BIRC6: variants seen among roughly 807,000 people sequenced by gnomAD.
BIRC6 encodes dual E2 ubiquitin-conjugating enzyme/E3 ubiquitin-protein ligase BIRC6.
Under a neutral mutation model 503.3 loss-of-function variants are expected in BIRC6, and 98 were observed. The ratio of observed to expected loss-of-function variants is 0.19; its 90% CI spans 0.17 to 0.23. The LOEUF (loss-of-function observed/expected upper bound fraction) is 0.23. Ranked by LOEUF, BIRC6 falls within the 10% of genes least tolerant of loss-of-function variation. The probability of loss-of-function intolerance (pLI) is 1.00; values close to 1 mark genes in which losing one functional copy is unlikely to be tolerated. For missense variants in BIRC6, 5,360 were observed against 5,806.0 expected (o/e 0.92, Z 2.50); for synonymous variants, 2,240 against 2,078.7 (o/e 1.08, Z -2.11).
chr2:32,498,359 G>A (rs574352604), intron 45 of BIRC6, among the ~76,000 whole-genome samples: 6 of 152,076 alleles, frequency 3.9e-5, no homozygotes, highest in South Asian at 4.1e-4. Context: ...GCCTATAACC[G>A]AAAATTTTTA....
intron 3 of BIRC6, 131 bp downstream of exon 3, chr2:32,380,421 T>A: frequency 8.1e-7 from 1 of 1,241,434 alleles, no homozygotes; most frequent in Admixed American, 3.6e-5. Context: ...CAGAATGTGC[T>A]TATAAGTCAT....
chr2:32,509,989 C>T lies in BIRC6; in HGVS notation c.10232C>T (p.Pro3411Leu), dbSNP rs778076796. 3.1e-6 allele frequency: 5 copies of T among 1,613,042 alleles called. No homozygotes were observed. The South Asian group carries it at 5.5e-5, about 18-fold the overall frequency. ...LRNCAASGSDPTDLNSPLLFG... is the reference protein window; with the variant it reads ...LRNCAASGSDLTDLNSPLLFG... ...AATTGTGCAGCATCAGGCAGTGATC[C>T]TACAGGTGATAATTAACTTTGATAT... The change falls in exon 52 of 74, where the codon CCT becomes CTT. Residue 3411 changes from proline (P) to leucine (L), a missense_variant. Coordinates refer to ENST00000421745, the MANE Select transcript of BIRC6 (RefSeq NM_016252.4).
chr2:32,591,622 C>A (rs2061385743), intron 66 of BIRC6, among the ~76,000 whole-genome samples: 1 of 152,184 alleles, frequency 6.6e-6, no homozygotes, highest in African/African-American at 2.4e-5. Flanking sequence ...AAGAGCTTCA[C>A]TTTCATATCT....
At chr2:32,441,666 A>G (rs2045451046) in intron 17 of BIRC6, among the ~76,000 whole-genome samples, 3 of 152,104 alleles carry the variant, frequency 2.0e-5, no homozygotes. Context: ...TGCTTGTTGT[A>G]TAGCAGGAAT....
intron 66 of BIRC6, among the ~76,000 whole-genome samples, chr2:32,581,307 C>T (rs896171185): frequency 6.6e-6 from 1 of 152,054 alleles, no homozygotes; most frequent in African/African-American, 2.4e-5. Context: ...TAAAAGAGAA[C>T]TCATATGATG....
At position 32,508,059 on chromosome 2, in the gene BIRC6, T is replaced by C. The variant is rs1274262165; in HGVS notation, c.9780T>C (p.Ser3260=). ...CTTTGTCCACTCCTGTTGTCACAAG[T>C]GGCCTCACCTACATAAAAATTCAGC... ...MLPLSTPVVT[S]GLTYIKIQLV... Residue 3260 remains serine, a synonymous_variant, in exon 51 of 74, where the codon AGT becomes AGC. Coordinates refer to ENST00000421745, the MANE Select transcript of BIRC6 (RefSeq NM_016252.4). 6.2e-7 allele frequency: 1 copy of C among 1,613,906 alleles called. No homozygotes were observed. The highest frequency in any genetic ancestry group is 1.6e-4 in the Middle Eastern group (1 of 6,062).
At chr2:32,447,178 C>T (rs1318989851) in intron 21 of BIRC6, among the ~76,000 whole-genome samples, 4 of 149,672 alleles carry the variant, frequency 2.7e-5, no homozygotes, top group Non-Finnish European at 5.9e-5. Context: ...GGCAACCATC[C>T]GATTTCTCAA....
At chr2:32,477,162 A>G (rs2049858324) in intron 34 of BIRC6, among the ~76,000 whole-genome samples, 1 of 152,208 alleles carries the variant, frequency 6.6e-6, no homozygotes. Context: ...TCTGTTACAT[A>G]TCTGATACTT....
chr2:32,411,236 A>T (rs1466890701), intron 9 of BIRC6, among the ~76,000 whole-genome samples: 1 of 148,920 alleles, frequency 6.7e-6, no homozygotes, highest in Non-Finnish European at 1.5e-5. Context: ...CGGGAGTTTC[A>T]CCATGTTGAC....
rs758881670 is a variant in BIRC6 at position 32,478,744 on chromosome 2, A to G, written c.7178A>G (p.Asn2393Ser). The G allele has an allele frequency of 1.2e-5, 19 of 1,613,792 alleles. No homozygotes were observed. The highest frequency in any genetic ancestry group is 1.7e-5 in the Admixed American group (1 of 59,980). The part of the protein sequence containing the change: ...LLLLLVGTDF[N>S]RGDISWGGAW... ...TTACTTTTGGTTGGAACTGACTTCA[A>G]TAGAGGAGATATATCTTGGGGTGGT... The change falls in exon 36 of 74, where the codon AAT becomes AGT. Residue 2393 changes from asparagine (N) to serine (S), a missense_variant. Asn to Ser is a conservative substitution (Grantham distance 46). This residue lies in a region of BIRC6 where 2,299 missense variants were observed against 2,267.2 expected (regional missense o/e 1.01). Transcript: ENST00000421745.
At chr2:32,591,073 G>A (rs896924810) in intron 66 of BIRC6, 30 of 713,184 alleles carry the variant, frequency 4.2e-5, no homozygotes, top group Middle Eastern at 7.0e-4. Context: ...TTTAATGTCA[G>A]ACAATGACTA....
intron 16 of BIRC6, 33 bp from the exon 17 acceptor site, chr2:32,441,296 T>C: frequency 7.3e-7 from 1 of 1,367,862 alleles, no homozygotes; most frequent in Non-Finnish European, 1.0e-6. Context: ...TTTAGTTTAT[T>C]TTTTAAAATT....
At chr2:32,470,445 C>T in intron 31 of BIRC6, 144 bp downstream of exon 31, 1 of 797,282 alleles carries the variant, frequency 1.3e-6, no homozygotes, top group African/African-American at 1.8e-5. Flanking sequence ...AATGAGCAAC[C>T]CTCATGTGAT....
At chr2:32,460,998 CTCTCTTCTCTTCTCT>C (rs1244077881) in intron 23 of BIRC6, among the ~76,000 whole-genome samples, 2,358 of 88,678 alleles carry the variant, frequency 0.027, 65 homozygotes, top group Non-Finnish European at 0.028. Flanking sequence ...CTCTGCTCTG[CTCTCTTCTCTTCTCT>C]TCTCTTCTCT....
chr2:32,525,450 T>C lies in BIRC6; in HGVS notation c.11756-14T>C. On this transcript the variant is annotated splice_polypyrimidine_tract_variant and intron_variant, in intron 58 of 73. Coordinates refer to ENST00000421745, the MANE Select transcript of BIRC6 (RefSeq NM_016252.4). ...TGTTGACTATGTAGAATCTTACTGA[T>C]CCTTTTCTTTTAGGGCTGAAGTCTC... is the stretch of plus-strand genomic sequence containing the variant. 2.5e-6 allele frequency: 4 copies of C among 1,613,890 alleles called. No homozygotes were observed. The highest frequency in any genetic ancestry group is 1.7e-5 in the Admixed American group (1 of 60,016).
intron 45 of BIRC6, among the ~76,000 whole-genome samples, chr2:32,498,654 C>A (rs1433010209): frequency 1.3e-5 from 2 of 151,974 alleles, no homozygotes; most frequent in Non-Finnish European, 2.9e-5. Context: ...GTTGTGTGAT[C>A]TCAACTCACT....
Position 32,525,597 on chromosome 2 carries a change from A to G in BIRC6, c.11889A>G (p.Pro3963=). ...CTGCCAACAAAATAATTACTGTCCC[A>G]GTGTTTCACCTGTTTCACAAACTCT... is the stretch of plus-strand genomic sequence containing the variant. ...AEAANKIITV[P]VFHLFHKLLA... Residue 3963 remains proline (P), a synonymous_variant, in exon 59 of 74, where the codon CCA becomes CCG. Transcript: ENST00000421745. 1 of 1,613,836 alleles carries G rather than the reference A, an allele frequency of 6.2e-7. No individual in the cohort carries two copies. Among genetic ancestry groups the G allele is most frequent in the South Asian group, 1.1e-5 (1 of 91,036 alleles).
In BIRC6 at chr2:32,441,398, G is replaced by A; in HGVS notation, c.3880G>A (p.Asp1294Asn). ...TRKSENLRGC[D>N]LLQEVSVTIR... ...TAAATCTGAAAACCTCCGGGGCTGTGATTTACTTCAAGAGGTCTCAGTCAC... is the reference window on the plus strand; with the variant it reads ...TAAATCTGAAAACCTCCGGGGCTGTAATTTACTTCAAGAGGTCTCAGTCAC... Residue 1294 changes from aspartate (D) to asparagine (N), a missense_variant, in exon 17 of 74, where the codon GAT becomes AAT. Asp to Asn is a conservative substitution (Grantham distance 23, BLOSUM62 1). Transcript: ENST00000421745. The A allele has an allele frequency of 6.2e-7, 1 of 1,610,936 alleles. No individual in the cohort carries two copies. Among genetic ancestry groups the A allele is most frequent in the Non-Finnish European group, 8.5e-7 (1 of 1,177,516 alleles).
Position 32,415,174 on chromosome 2 carries a change from C to T in BIRC6, c.1883C>T (p.Pro628Leu), listed in dbSNP as rs759792554. Residue 628 changes from proline to leucine, a missense_variant, in exon 10 of 74, where the codon CCG becomes CTG. Around this residue, in one of 16 missense-constraint regions of BIRC6, gnomAD observed 700 missense variants for 739.3 expected, o/e 0.95. Coordinates refer to ENST00000421745, the MANE Select transcript of BIRC6 (RefSeq NM_016252.4). ...TCTCCTCTGGTAAGGAGGACTTTAC[C>T]GGTTTTGCTTCTTTATAGCATCAAG... Reference protein sequence around the residue: ...LNSPLVRRTLPVLLLYSIKES... With the variant: ...LNSPLVRRTLLVLLLYSIKES... 7 of 1,613,940 alleles carry T rather than the reference C, an allele frequency of 4.3e-6. No homozygotes were observed. Among genetic ancestry groups the T allele is most frequent in the Non-Finnish European group, 4.2e-6 (5 of 1,179,878 alleles).
Sources: allele counts gnomAD v4.1 joint callset (sites outside exome capture counted in the v4.1 genomes callset), GRCh38; gene constraint gnomAD v4.1.1; regional missense constraint gnomAD v4.1.1; transcripts MANE v1.5; gene names NCBI Gene and HGNC (gene_info 2026-07-23, HGNC 2026-07-21).